The following CDC42SE2 variants were observed in gnomAD, a reference collection of about 807,000 sequenced individuals.
The protein encoded by CDC42SE2 is CDC42 small effector protein 2.
Under a neutral mutation model 11.5 loss-of-function variants are expected in CDC42SE2, and 3 were observed. The ratio of observed to expected loss-of-function variants is 0.26; its 90% CI spans 0.12 to 0.67. The LOEUF (loss-of-function observed/expected upper bound fraction) is 0.67, where lower values mean the gene tolerates loss of function less well. CDC42SE2 is among the 30% of genes least tolerant of loss of function. The pLI is 0.80. For synonymous variants in CDC42SE2, 33 were observed against 34.8 expected (o/e 0.95, Z 0.18); for missense variants, 82 against 106.8 (o/e 0.77, Z 1.02).
intron 2 of CDC42SE2, among the ~76,000 whole-genome samples, chr5:131,355,837 T>TA (rs1426445512): frequency 6.6e-6 from 1 of 152,176 alleles, no homozygotes; most frequent in Non-Finnish European, 1.5e-5. Context: ...TTAACTTCAT[T>TA]AAGTTGTCAG....
At chr5:131,234,473 TA>T in the CDC42SE2 span, among the ~76,000 whole-genome samples, 1 of 151,792 alleles carries the variant, frequency 6.6e-6, no homozygotes, top group Non-Finnish European at 1.5e-5. Flanking sequence ...CTGTCTGTAT[TA>T]AAAATACAAA....
chr5:131,352,231 TA>T (rs1156752095), intron 2 of CDC42SE2, among the ~76,000 whole-genome samples: 1 of 152,170 alleles, frequency 6.6e-6, no homozygotes, highest in Non-Finnish European at 1.5e-5. Context: ...TTAATAAAGT[TA>T]AAATCATACT....
chr5:131,230,905 GTT>G, the CDC42SE2 span, among the ~76,000 whole-genome samples: 1 of 152,058 alleles, frequency 6.6e-6, no homozygotes, highest in African/African-American at 2.4e-5. Flanking sequence ...TGTTAAACCT[GTT>G]TTGCATTTCT....
chr5:131,280,043 G>C (rs1050770697), intron 1 of CDC42SE2, among the ~76,000 whole-genome samples: 1 of 152,182 alleles, frequency 6.6e-6, no homozygotes, highest in Non-Finnish European at 1.5e-5. Context: ...CTCCAGCCTG[G>C]ATGACAGAGC....
chr5:131,390,085 CG>C (rs1225373750), intron 4 of CDC42SE2, among the ~76,000 whole-genome samples: 1 of 152,132 alleles, frequency 6.6e-6, no homozygotes, highest in Non-Finnish European at 1.5e-5. Flanking sequence ...GCAATGTGGT[CG>C]GGAGAGATTA....
chr5:131,310,465 G>A (rs1272804888), intron 1 of CDC42SE2, among the ~76,000 whole-genome samples: 11 of 152,034 alleles, frequency 7.2e-5, no homozygotes, highest in Admixed American at 7.2e-4. Flanking sequence ...TATTAGGTCT[G>A]CTTGGTGCAG....
the CDC42SE2 span, among the ~76,000 whole-genome samples, chr5:131,226,912 C>T: frequency 6.6e-5 from 10 of 152,168 alleles, no homozygotes; most frequent in Non-Finnish European, 1.3e-4. Context: ...CACTGGTTTG[C>T]TTCCCTGATC....
chr5:131,232,545 C>T, the CDC42SE2 span, among the ~76,000 whole-genome samples: 2 of 151,906 alleles, frequency 1.3e-5, no homozygotes, highest in Non-Finnish European at 2.9e-5. Context: ...CCAGCCTGAC[C>T]AACATGATGA....
chr5:131,244,145 C>T (rs1346381041), upstream of CDC42SE2, among the ~76,000 whole-genome samples: 2 of 152,108 alleles, frequency 1.3e-5, no homozygotes, highest in African/African-American at 4.8e-5. Context: ...ACCAGAAAGA[C>T]AGAATAATTC....
At chr5:131,284,966 A>G (rs1264223598) in intron 1 of CDC42SE2, among the ~76,000 whole-genome samples, 2 of 151,918 alleles carry the variant, frequency 1.3e-5, no homozygotes. Context: ...TCTAGCCTGG[A>G]CAACATAATG....
rs4519917 is a variant in CDC42SE2 at position 131,250,770 on chromosome 5, G to A, written n.108-4325G>A. Among the ~76,000 whole-genome samples the A allele has an allele frequency of 5.1e-3, 774 of 152,264 alleles. 2 individuals are homozygous for A. The highest frequency in any genetic ancestry group is 7.9e-3 in the Non-Finnish European group (539 of 68,024). ...AAAACTATAGCTTGGGCCAGGCGTG[G>A]TGGCTCTATCTGTAATCTCAGCACT... On this transcript the variant is annotated intron_variant and non_coding_transcript_variant, in intron 1 of 3. Coordinates refer to the CDC42SE2 transcript ENST00000502840.
rs558760368 is a variant in CDC42SE2, at chr5:131,309,824, G to A, written c.-454-6152G>A. ...TTATCATTTTTTATTGGGTCTATTT[G>A]ATTCTTCTCTCTTTTTTTCTTTATT... On this transcript the variant is annotated intron_variant, in intron 1 of 4. Coordinates refer to ENST00000505065, the MANE Select transcript of CDC42SE2 (RefSeq NM_001375635.1). Among the ~76,000 whole-genome samples, 13 of 152,198 alleles carry A rather than the reference G, an allele frequency of 8.5e-5. No individual in the cohort carries two copies. In the East Asian group the frequency reaches 2.5e-3, roughly 29 times the overall value.
At chr5:131,229,798 G>A in the CDC42SE2 span, among the ~76,000 whole-genome samples, 1 of 152,138 alleles carries the variant, frequency 6.6e-6, no homozygotes, top group African/African-American at 2.4e-5. Flanking sequence ...GCCACGCATG[G>A]TGGCACGAGC....
the CDC42SE2 span, among the ~76,000 whole-genome samples, chr5:131,221,713 A>G: frequency 6.6e-6 from 1 of 152,100 alleles, no homozygotes; most frequent in Non-Finnish European, 1.5e-5. Context: ...TGCCTAACAG[A>G]GTATCTGACT....
the CDC42SE2 span, among the ~76,000 whole-genome samples, chr5:131,236,860 T>C: frequency 3.3e-5 from 5 of 152,248 alleles, no homozygotes; most frequent in Non-Finnish European, 7.3e-5. Flanking sequence ...ATTTCTGTAC[T>C]TTCTATTATT....
At chr5:131,282,485 G>A (rs1272820870) in intron 1 of CDC42SE2, among the ~76,000 whole-genome samples, 4 of 152,066 alleles carry the variant, frequency 2.6e-5, no homozygotes, top group Non-Finnish European at 5.9e-5. Flanking sequence ...TTTCAAAAGC[G>A]CTTTGGCATA....
At chr5:131,298,396 A>G (rs1202084746) in intron 1 of CDC42SE2, among the ~76,000 whole-genome samples, 1 of 151,922 alleles carries the variant, frequency 6.6e-6, no homozygotes, top group East Asian at 1.9e-4. Context: ...TGCTCGGATT[A>G]CAGGCATGAG....
chr5:131,266,274 C>G (rs1216883840), intron 1 of CDC42SE2, among the ~76,000 whole-genome samples: 1 of 151,998 alleles, frequency 6.6e-6, no homozygotes, highest in Non-Finnish European at 1.5e-5. Context: ...CTAATGTGAT[C>G]CAAAGTCTGT....
intron 3 of CDC42SE2, among the ~76,000 whole-genome samples, chr5:131,382,141 A>G (rs1750346206): frequency 6.6e-6 from 1 of 152,226 alleles, no homozygotes; most frequent in African/African-American, 2.4e-5. Context: ...ACATTCATAT[A>G]TATTAGTTAT....
Sources: gnomAD v4.1 joint callset for allele counts (sites outside exome capture counted in the v4.1 genomes callset) on GRCh38, gnomAD v4.1.1 for gene constraint, MANE v1.5 for transcripts, NCBI Gene and HGNC (gene_info 2026-07-23, HGNC 2026-07-21) for gene names.